Variants in TMCO5A observed in about 807,000 individuals in gnomAD.
TMCO5A encodes the protein transmembrane and coiled-coil domain-containing protein 5A.
In TMCO5A, 34 loss-of-function variants were observed where a neutral mutation model predicts 42.3. The ratio of observed to expected loss-of-function variants is 0.80; its 90% confidence interval spans 0.61 to 1.07. The LOEUF (loss-of-function observed/expected upper bound fraction) is 1.07, where lower values mean the gene tolerates loss of function less well. Ranked by LOEUF, TMCO5A falls within the 50% of genes least tolerant of loss-of-function variation. The probability of loss-of-function intolerance (pLI) is 0.00; values close to 1 mark genes in which losing one functional copy is unlikely to be tolerated. For synonymous variants in TMCO5A, 131 were observed against 115.6 expected (o/e 1.13, Z -0.86); for missense variants, 357 against 327.9 (o/e 1.09, Z -0.69).
the TMCO5A span, among the ~76,000 whole-genome samples, chr15:37,978,113 C>T: frequency 1.4e-4 from 21 of 152,290 alleles, no homozygotes; most frequent in African/African-American, 4.3e-4. Flanking sequence ...CCACTGCCAA[C>T]GGGAACGGGA....
chr15:37,966,646 G>A (rs1444489377), exon 12 of TMCO5A: 1 of 702,870 alleles, frequency 1.4e-6, no homozygotes, highest in Non-Finnish European at 2.6e-6. Flanking sequence ...CCTTTTAGTG[G>A]CAAGATGGCT....
chr15:38,023,537 C>T, the TMCO5A span, among the ~76,000 whole-genome samples: 1 of 152,206 alleles, frequency 6.6e-6, no homozygotes, highest in South Asian at 2.1e-4. Flanking sequence ...AAGTTGCAGG[C>T]ATTTTATGAC....
the TMCO5A span, among the ~76,000 whole-genome samples, chr15:37,989,845 A>G: frequency 6.6e-6 from 1 of 152,034 alleles, no homozygotes; most frequent in Admixed American, 6.6e-5. Context: ...ACAGCATAGG[A>G]GCAGAAGAAA....
intron 11 of TMCO5A, among the ~76,000 whole-genome samples, chr15:37,965,762 TG>T (rs954408456): frequency 5.3e-5 from 8 of 152,108 alleles, no homozygotes; most frequent in Non-Finnish European, 8.8e-5. Context: ...TAACAAATAC[TG>T]GCAAAGATAT....
chr15:38,012,532 G>T, the TMCO5A span, among the ~76,000 whole-genome samples: 1 of 151,954 alleles, frequency 6.6e-6, no homozygotes, highest in Non-Finnish European at 1.5e-5. Flanking sequence ...TCGTGTGTGT[G>T]TGTGTGTGTG....
chr15:37,990,134 T>C, the TMCO5A span, among the ~76,000 whole-genome samples: 1 of 152,114 alleles, frequency 6.6e-6, no homozygotes. Flanking sequence ...ATATGTCTGT[T>C]AGATCTAATC....
At chr15:37,967,893 A>T (rs960654854), downstream of TMCO5A, among the ~76,000 whole-genome samples, 2 of 152,154 alleles carry the variant, frequency 1.3e-5, no homozygotes, top group Non-Finnish European at 2.9e-5. Context: ...CTTTGTGAGA[A>T]CACATAATGT....
At chr15:38,011,408 A>AGT in the TMCO5A span, among the ~76,000 whole-genome samples, 1 of 152,090 alleles carries the variant, frequency 6.6e-6, no homozygotes, top group African/African-American at 2.4e-5. Flanking sequence ...AGAGAGAGAG[A>AGT]GTGTGTGTGT....
At chr15:38,026,268 C>T in the TMCO5A span, among the ~76,000 whole-genome samples, 40 of 152,066 alleles carry the variant, frequency 2.6e-4, no homozygotes, top group African/African-American at 9.2e-4. Context: ...GTGATATGGA[C>T]AATAAGGTCC....
downstream of TMCO5A, among the ~76,000 whole-genome samples, chr15:37,967,926 A>C (rs995243003): frequency 6.6e-6 from 1 of 152,204 alleles, no homozygotes; most frequent in Non-Finnish European, 1.5e-5. Flanking sequence ...CTGATCCTAC[A>C]CAACGTGGTC....
At chr15:38,014,244 C>T in the TMCO5A span, among the ~76,000 whole-genome samples, 2 of 152,082 alleles carry the variant, frequency 1.3e-5, no homozygotes, top group Admixed American at 6.6e-5. Flanking sequence ...CTATCATATA[C>T]TCCTTCCTAA....
chr15:37,957,454 A>AAC (rs138006633), intron 11 of TMCO5A, among the ~76,000 whole-genome samples: 144,910 of 152,116 alleles, frequency 0.95, 69,417 homozygotes, highest in East Asian at 1. Flanking sequence ...ATAATAGACA[A>AAC]AGAGAGCCAA....
chr15:38,012,118 C>G, the TMCO5A span, among the ~76,000 whole-genome samples: 46 of 106,886 alleles, frequency 4.3e-4, no homozygotes, highest in African/African-American at 1.6e-3. Context: ...AGCGAGACTC[C>G]GTCTCAAAAA....
chr15:37,990,162 A>C, the TMCO5A span, among the ~76,000 whole-genome samples: 1 of 152,044 alleles, frequency 6.6e-6, no homozygotes, highest in Admixed American at 6.6e-5. Context: ...TGTGTTGTTC[A>C]AGTCTTCTGT....
At chr15:38,015,108 C>G in the TMCO5A span, among the ~76,000 whole-genome samples, 3 of 151,706 alleles carry the variant, frequency 2.0e-5, no homozygotes, top group African/African-American at 7.3e-5. Flanking sequence ...TTTATATTTG[C>G]TGGCAGCTGA....
chr15:38,035,257 G>C, the TMCO5A span, among the ~76,000 whole-genome samples: 1 of 152,162 alleles, frequency 6.6e-6, no homozygotes, highest in Non-Finnish European at 1.5e-5. Context: ...GCTACGTATT[G>C]GCTTGATTTA....
At chr15:37,940,404 C>T (rs891328633) in intron 6 of TMCO5A, among the ~76,000 whole-genome samples, 5 of 152,158 alleles carry the variant, frequency 3.3e-5, no homozygotes, top group African/African-American at 7.2e-5. Flanking sequence ...ATACCCTTCA[C>T]AGAGAACATA....
the TMCO5A span, among the ~76,000 whole-genome samples, chr15:38,014,624 C>T: frequency 6.6e-5 from 10 of 152,048 alleles, no homozygotes; most frequent in Admixed American, 3.3e-4. Context: ...GCATTCAGTG[C>T]GTGTGTGCAC....
In TMCO5A at chr15:37,951,175, C is replaced by A; in HGVS notation, c.808C>A (p.Leu270Ile). The change falls in exon 12 of 12, where the codon CTC (leucine) becomes ATC (isoleucine). Residue 270 changes from leucine (L) to isoleucine (I), a missense_variant. Transcript: ENST00000319669. The part of the protein sequence containing the change: ...KVLGRSTLWK[L>I]RCFFFPSLTL... ...ACTGGGCAGGAGCACCTTGTGGAAG[C>A]TCAGATGCTTCTTCTTTCCATCTCT... is the stretch of plus-strand genomic sequence containing the variant. 1.2e-6 allele frequency: 2 copies of A among 1,613,864 alleles called. No individual in the cohort carries two copies. The highest frequency in any genetic ancestry group is 1.7e-6 in the Non-Finnish European group (2 of 1,179,876).
Sources: gnomAD v4.1 joint callset for allele counts (sites outside exome capture counted in the v4.1 genomes callset) on GRCh38, gnomAD v4.1.1 for gene constraint, MANE v1.5 for transcripts, NCBI Gene and HGNC (gene_info 2026-07-23, HGNC 2026-07-21) for gene names.